The following CSMD3 variants were observed in gnomAD, a reference collection of about 807,000 sequenced individuals.
CSMD3 encodes CUB and sushi domain-containing protein 3.
Under a neutral mutation model 435.2 loss-of-function variants are expected in CSMD3, and 177 were observed. The ratio of observed to expected loss-of-function variants is 0.41; its 90% confidence interval spans 0.36 to 0.46. The LOEUF is 0.46. Among genes scored for constraint, CSMD3 ranks in the 20% least tolerant of loss-of-function variants. CSMD3 has a pLI of 0.34. For missense variants in CSMD3, 4,265 were observed against 4,504.6 expected (o/e 0.95, Z 1.52); for synonymous variants, 1,656 against 1,520.5 (o/e 1.09, Z -2.07).
At chr8:113,018,306 C>T (rs1469592411) in intron 6 of CSMD3, among the ~76,000 whole-genome samples, 1 of 151,644 alleles carries the variant, frequency 6.6e-6, no homozygotes, top group Non-Finnish European at 1.5e-5. Context: ...CTAAAGTCAT[C>T]ATATTAAATT....
chr8:112,626,088 TA>T (rs1160747284), intron 22 of CSMD3, among the ~76,000 whole-genome samples: 1 of 151,986 alleles, frequency 6.6e-6, no homozygotes, highest in Non-Finnish European at 1.5e-5. Context: ...TTGAGAAGGG[TA>T]AGTTTGAGGT....
intron 32 of CSMD3, among the ~76,000 whole-genome samples, chr8:112,471,543 G>T (rs1040663015): frequency 6.6e-6 from 1 of 152,066 alleles, no homozygotes. Context: ...AAAATAAAAG[G>T]TTTAGTACTA....
At chr8:112,973,272 T>C (rs766461167) in intron 7 of CSMD3, among the ~76,000 whole-genome samples, 1 of 151,908 alleles carries the variant, frequency 6.6e-6, no homozygotes, top group Non-Finnish European at 1.5e-5. Flanking sequence ...AATAAGTTTT[T>C]TTCTGAAATA....
intron 1 of CSMD3, among the ~76,000 whole-genome samples, chr8:113,409,475 A>G (rs1400215215): frequency 1.3e-5 from 2 of 152,140 alleles, no homozygotes; most frequent in Admixed American, 6.6e-5. Flanking sequence ...CTTGACTGCA[A>G]GGAGAGACGC....
At chr8:112,347,110 AT>A (rs1288303556) in intron 40 of CSMD3, among the ~76,000 whole-genome samples, 1 of 152,130 alleles carries the variant, frequency 6.6e-6, no homozygotes, top group Non-Finnish European at 1.5e-5. Flanking sequence ...ATGCACACAA[AT>A]TTGAGAATGT....
chr8:112,732,216 C>A (rs1028006053), intron 13 of CSMD3, among the ~76,000 whole-genome samples: 1 of 152,112 alleles, frequency 6.6e-6, no homozygotes, highest in Non-Finnish European at 1.5e-5. Flanking sequence ...CATGATTATT[C>A]TCTTGCCTTC....
chr8:112,319,762 A>T, intron 46 of CSMD3, 139 bp downstream of exon 46: 2 of 706,804 alleles, frequency 2.8e-6, no homozygotes, highest in Non-Finnish European at 5.1e-6. Flanking sequence ...CTCCCTTCTT[A>T]AAAATTCTAA....
chr8:112,523,937 C>T (rs1476750090), intron 27 of CSMD3, among the ~76,000 whole-genome samples: 2 of 152,046 alleles, frequency 1.3e-5, no homozygotes, highest in South Asian at 2.1e-4. Context: ...AACAAAGCTG[C>T]TTAATGCATG....
chr8:113,271,307 G>A (rs559106108), intron 3 of CSMD3, among the ~76,000 whole-genome samples: 23 of 152,212 alleles, frequency 1.5e-4, no homozygotes, highest in African/African-American at 5.1e-4. Context: ...TCCAGGGCAC[G>A]TCACAGGTCT....
intron 32 of CSMD3, among the ~76,000 whole-genome samples, chr8:112,430,112 T>C (rs1389697572): frequency 6.6e-6 from 1 of 152,036 alleles, no homozygotes; most frequent in East Asian, 1.9e-4. Context: ...AGCAAACCTG[T>C]TTTTGAATCA....
chr8:112,933,931 C>T (rs970736614), intron 9 of CSMD3, among the ~76,000 whole-genome samples: 2 of 152,008 alleles, frequency 1.3e-5, no homozygotes, highest in African/African-American at 4.8e-5. Context: ...CAGAAGTACA[C>T]TAAAGGTCTG....
intron 5 of CSMD3, among the ~76,000 whole-genome samples, chr8:113,065,143 C>G (rs888846477): frequency 3.3e-5 from 5 of 152,050 alleles, no homozygotes; most frequent in Non-Finnish European, 7.3e-5. Flanking sequence ...GTGCTTTGGG[C>G]TTGCTTGGAT....
intron 13 of CSMD3, among the ~76,000 whole-genome samples, chr8:112,691,604 T>A (rs1034743065): frequency 6.6e-6 from 1 of 152,130 alleles, no homozygotes; most frequent in Non-Finnish European, 1.5e-5. Context: ...TTGCTGGTAG[T>A]TTAGTTGTAA....
At chr8:112,322,844 C>A (rs1158522624) in intron 45 of CSMD3, among the ~76,000 whole-genome samples, 1 of 152,026 alleles carries the variant, frequency 6.6e-6, no homozygotes, top group East Asian at 1.9e-4. Context: ...AGTTACATGA[C>A]AGAGGCTATT....
At chr8:112,816,460 C>T (rs2079377798) in intron 12 of CSMD3, among the ~76,000 whole-genome samples, 1 of 152,102 alleles carries the variant, frequency 6.6e-6, no homozygotes, top group South Asian at 2.1e-4. Flanking sequence ...GGCAATTAAT[C>T]TCTAAAAAAT....
At chr8:113,281,645 G>A (rs2093613733) in intron 2 of CSMD3, among the ~76,000 whole-genome samples, 1 of 151,800 alleles carries the variant, frequency 6.6e-6, no homozygotes, top group African/African-American at 2.4e-5. Flanking sequence ...GAGCATTTAG[G>A]CCATTTACAT....
intron 30 of CSMD3, among the ~76,000 whole-genome samples, chr8:112,493,192 A>G (rs1820877447): frequency 6.6e-6 from 1 of 152,170 alleles, no homozygotes; most frequent in Admixed American, 6.5e-5. Context: ...AATAAATTCT[A>G]AAGATCTTCA....
rs964326262 is a variant in CSMD3, at chr8:112,774,713, C to A, written c.1972+25449G>T. On this transcript the variant is annotated intron_variant, in intron 13 of 70. Coordinates refer to ENST00000297405, the MANE Select transcript of CSMD3 (RefSeq NM_198123.2). ...ATTCATTTTGTCTTTTAAAGGTCTT[C>A]AGATTCTATTGGCTTTAAAACCCCA... Among the ~76,000 whole-genome samples, 4 of 151,976 alleles carry A rather than the reference C, an allele frequency of 2.6e-5. No individual in the cohort carries two copies. In the East Asian group the frequency reaches 7.8e-4, roughly 29 times the overall value.
intron 38 of CSMD3, among the ~76,000 whole-genome samples, chr8:112,361,572 C>CATATATATATATATAT (rs4030099): frequency 8.4e-5 from 9 of 107,186 alleles, no homozygotes; most frequent in Non-Finnish European, 1.1e-4. Context: ...TATACACATA[C>CATATATATATATATAT]ATATATATAT....
Sources: gnomAD v4.1 joint callset for allele counts (sites outside exome capture counted in the v4.1 genomes callset) on GRCh38, gnomAD v4.1.1 for gene constraint, MANE v1.5 for transcripts, NCBI Gene and HGNC (gene_info 2026-07-23, HGNC 2026-07-21) for gene names.